The following SPAG16 variants were observed in gnomAD, a reference collection of about 807,000 sequenced individuals.
SPAG16 encodes the protein sperm associated antigen 16.
A neutral mutation model predicts 80.4 loss-of-function variants in SPAG16; 86 were observed. The ratio of observed to expected loss-of-function variants is 1.07; its 90% confidence interval spans 0.90 to 1.28. The LOEUF (loss-of-function observed/expected upper bound fraction) is 1.28. Ranked by LOEUF, SPAG16 falls within the 50% of genes most tolerant of loss-of-function variation. SPAG16 has a pLI of 0.00. For missense variants in SPAG16, 870 were observed against 765.3 expected (o/e 1.14, Z -1.61); for synonymous variants, 294 against 265.9 (o/e 1.11, Z -1.03).
chr2:213,321,985 A>G (rs2063628528), intron 5 of SPAG16, among the ~76,000 whole-genome samples: 1 of 152,036 alleles, frequency 6.6e-6, no homozygotes, highest in East Asian at 1.9e-4. Flanking sequence ...AGTTGCAGAG[A>G]TTTGGTGGTT....
At chr2:213,892,786 G>A (rs1422016302) in intron 11 of SPAG16, among the ~76,000 whole-genome samples, 1 of 151,970 alleles carries the variant, frequency 6.6e-6, no homozygotes, top group Non-Finnish European at 1.5e-5. Context: ...GACCAAAAAA[G>A]ATCACCTAAA....
Position 213,393,102 on chromosome 2 carries a change from A to G in SPAG16, c.942+17983A>G, listed in dbSNP as rs1043496763. ...GAATCAGAATAAAAGTAATTAAGAG[A>G]TACTAATTATTCTTAGGTTTTAAAC... is the stretch of plus-strand genomic sequence containing the variant. On this transcript the variant is annotated intron_variant, in intron 9 of 15. Transcript: ENST00000331683. Among the ~76,000 whole-genome samples the G allele has an allele frequency of 2.0e-5, 3 of 152,140 alleles. No homozygotes were observed. In the East Asian group the frequency reaches 5.8e-4, roughly 29 times the overall value.
At chr2:213,368,180 G>A (rs1425536804) in intron 8 of SPAG16, among the ~76,000 whole-genome samples, 29 of 152,158 alleles carry the variant, frequency 1.9e-4, no homozygotes, top group Non-Finnish European at 2.4e-4. Context: ...ATGCTGTTTT[G>A]GTTACTGTAG....
chr2:213,613,905 C>T (rs1014778191), intron 10 of SPAG16, among the ~76,000 whole-genome samples: 1 of 152,168 alleles, frequency 6.6e-6, no homozygotes, highest in Non-Finnish European at 1.5e-5. Flanking sequence ...AATGGAAGTA[C>T]TTATCTCAAA....
chr2:214,176,268 A>C, intron 15 of SPAG16, among the ~76,000 whole-genome samples: 1 of 151,304 alleles, frequency 6.6e-6, no homozygotes, highest in East Asian at 1.9e-4. Context: ...AAAGGAAAGA[A>C]ACTTCTTTTT....
At chr2:213,479,393 A>G (rs746557097) in intron 9 of SPAG16, among the ~76,000 whole-genome samples, 13 of 151,864 alleles carry the variant, frequency 8.6e-5, no homozygotes, top group Non-Finnish European at 1.8e-4. Context: ...ATATACTTGT[A>G]TATGTTTATT....
intron 14 of SPAG16, among the ~76,000 whole-genome samples, chr2:214,129,113 G>C (rs1162227102): frequency 6.7e-6 from 1 of 150,224 alleles, no homozygotes; most frequent in Non-Finnish European, 1.5e-5. Context: ...AATCATTACT[G>C]AGCTAAATAC....
chr2:213,484,320 G>C (rs558815282), intron 9 of SPAG16, among the ~76,000 whole-genome samples: 2 of 152,110 alleles, frequency 1.3e-5, no homozygotes, highest in Admixed American at 6.5e-5. Flanking sequence ...CAAACATAAA[G>C]GTCAAGTAAT....
chr2:213,581,665 G>A (rs2060302559), intron 10 of SPAG16, among the ~76,000 whole-genome samples: 1 of 151,988 alleles, frequency 6.6e-6, no homozygotes, highest in Non-Finnish European at 1.5e-5. Context: ...GGATCTCTAG[G>A]GAAATTGAGA....
At chr2:213,843,767 C>T (rs900046044) in intron 10 of SPAG16, among the ~76,000 whole-genome samples, 11 of 152,080 alleles carry the variant, frequency 7.2e-5, no homozygotes, top group African/African-American at 2.7e-4. Context: ...AGGAGAATCT[C>T]TAGAACCCAG....
At position 214,248,133 on chromosome 2, in the gene SPAG16, G is replaced by A. The variant is rs188194007; in HGVS notation, c.1720+98867G>A. On this transcript the variant is annotated intron_variant, in intron 15 of 15. Transcript: ENST00000331683. ...TAGTTCAGATATAAAAGTATATTAA[G>A]GAATTCATCCAGAACACAGAAAACA... 2.0e-3 allele frequency among the ~76,000 whole-genome samples: 302 copies of A among 151,396 alleles called. 1 individual carries two copies. The highest frequency in any genetic ancestry group is 6.8e-3 in the African/African-American group (281 of 41,342).
At chr2:213,672,944 C>T (rs1198820597) in intron 10 of SPAG16, among the ~76,000 whole-genome samples, 2 of 150,846 alleles carry the variant, frequency 1.3e-5, no homozygotes, top group African/African-American at 2.4e-5. Context: ...CTGCAAGCTC[C>T]GCCTCCTGGG....
chr2:214,073,913 A>G (rs1418613426), intron 13 of SPAG16, among the ~76,000 whole-genome samples: 1 of 152,216 alleles, frequency 6.6e-6, no homozygotes, highest in Non-Finnish European at 1.5e-5. Flanking sequence ...CCACCACTTC[A>G]ACAGAAGTTA....
At chr2:213,783,053 C>G (rs1192569536) in intron 10 of SPAG16, among the ~76,000 whole-genome samples, 3 of 137,498 alleles carry the variant, frequency 2.2e-5, no homozygotes, top group Non-Finnish European at 4.7e-5. Context: ...CCCCCTCCCC[C>G]GACCCCACCA....
chr2:214,170,658 C>T (rs1039749903), intron 15 of SPAG16, among the ~76,000 whole-genome samples: 35 of 152,084 alleles, frequency 2.3e-4, no homozygotes, highest in African/African-American at 7.9e-4. Flanking sequence ...TTCAGGATAT[C>T]GCAAGTACTG....
intron 13 of SPAG16, among the ~76,000 whole-genome samples, chr2:214,107,200 A>G (rs1481749378): frequency 6.6e-6 from 1 of 152,142 alleles, no homozygotes; most frequent in African/African-American, 2.4e-5. Flanking sequence ...CTTCTAGTAC[A>G]TTTTATGCCT....
chr2:214,360,861 T>C (rs546797744), intron 15 of SPAG16, among the ~76,000 whole-genome samples: 2 of 151,966 alleles, frequency 1.3e-5, no homozygotes, highest in South Asian at 4.1e-4. Flanking sequence ...GAAGCTTAAA[T>C]ACCCTCTTTC....
intron 9 of SPAG16, among the ~76,000 whole-genome samples, chr2:213,388,060 G>A (rs2067542987): frequency 6.6e-6 from 1 of 152,134 alleles, no homozygotes. Context: ...GGAAGGATTG[G>A]ACAGTAAATT....
intron 15 of SPAG16, among the ~76,000 whole-genome samples, chr2:214,282,927 A>G (rs916580170): frequency 3.3e-5 from 5 of 152,266 alleles, no homozygotes; most frequent in Middle Eastern, 3.4e-3. Context: ...TTCGACTGAC[A>G]GATTTGCTGA....
Sources: allele counts gnomAD v4.1 joint callset (sites outside exome capture counted in the v4.1 genomes callset), GRCh38; gene constraint gnomAD v4.1.1; transcripts MANE v1.5; gene names NCBI Gene and HGNC (gene_info 2026-07-23, HGNC 2026-07-21).